The following TAFA1 variants were observed in gnomAD, a reference collection of about 807,000 sequenced individuals.
TAFA1 encodes TAFA chemokine like family member 1, also known as chemokine-like protein TAFA-1.
Under a neutral mutation model 18.5 loss-of-function variants are expected in TAFA1, and 4 were observed. The ratio of observed to expected loss-of-function variants is 0.22; its 90% CI spans 0.11 to 0.49. The LOEUF (loss-of-function observed/expected upper bound fraction) is 0.49. Ranked by LOEUF, TAFA1 falls within the 20% of genes least tolerant of loss-of-function variation. The probability of loss-of-function intolerance (pLI) is 0.98; values close to 1 mark genes in which losing one functional copy is unlikely to be tolerated. For synonymous variants in TAFA1, 56 were observed against 55.2 expected (o/e 1.01, Z -0.06); for missense variants, 147 against 169.0 (o/e 0.87, Z 0.72).
chr3:68,150,186 G>C (rs1454470614), intron 2 of TAFA1, among the ~76,000 whole-genome samples: 1 of 152,182 alleles, frequency 6.6e-6, no homozygotes, highest in Non-Finnish European at 1.5e-5. Context: ...TGTTTTACCA[G>C]TCATGTAATT....
intron 2 of TAFA1, among the ~76,000 whole-genome samples, chr3:68,315,985 T>C (rs2068599236): frequency 6.6e-6 from 1 of 152,190 alleles, no homozygotes; most frequent in Non-Finnish European, 1.5e-5. Flanking sequence ...AAGAAAGCAG[T>C]GGCTCTGGAG....
chr3:68,278,184 C>T (rs1575740771), intron 2 of TAFA1, among the ~76,000 whole-genome samples: 1 of 152,194 alleles, frequency 6.6e-6, no homozygotes, highest in South Asian at 2.1e-4. Flanking sequence ...GAGTTTCTTT[C>T]TCTCTTCATT....
At chr3:68,062,956 C>T (rs909235913) in intron 2 of TAFA1, among the ~76,000 whole-genome samples, 2 of 152,082 alleles carry the variant, frequency 1.3e-5, no homozygotes, top group Non-Finnish European at 2.9e-5. Flanking sequence ...TGAACTTTAT[C>T]GTCTAACAGG....
At chr3:68,120,255 T>A (rs1234813788) in intron 2 of TAFA1, among the ~76,000 whole-genome samples, 3 of 120,494 alleles carry the variant, frequency 2.5e-5, no homozygotes, top group Admixed American at 8.9e-5. Flanking sequence ...CTTTCTTTCT[T>A]TCTTTCTTTT....
intron 3 of TAFA1, among the ~76,000 whole-genome samples, chr3:68,437,903 G>A (rs538652331): frequency 2.3e-4 from 35 of 152,112 alleles, no homozygotes; most frequent in Middle Eastern, 6.8e-3. Context: ...TCAAAAGTCC[G>A]TCTACTTTTT....
At chr3:68,438,734 A>G (rs958971582) in intron 3 of TAFA1, among the ~76,000 whole-genome samples, 2 of 152,094 alleles carry the variant, frequency 1.3e-5, no homozygotes, top group African/African-American at 4.8e-5. Context: ...GAAGGCTGCC[A>G]TGCTTCCATA....
At chr3:68,012,074 T>G (rs969200717) in intron 2 of TAFA1, among the ~76,000 whole-genome samples, 1 of 152,318 alleles carries the variant, frequency 6.6e-6, no homozygotes, top group Admixed American at 6.5e-5. Context: ...TTTCTTAAAG[T>G]TTACTTAAGA....
At chr3:68,100,735 C>T (rs6548986) in intron 2 of TAFA1, among the ~76,000 whole-genome samples, 53,714 of 151,780 alleles carry the variant, frequency 0.35, 9,924 homozygotes, top group East Asian at 0.49. Flanking sequence ...TTGAACATAC[C>T]TTGTGTTTCA....
intron 3 of TAFA1, among the ~76,000 whole-genome samples, chr3:68,442,422 A>C (rs1010146316): frequency 6.6e-6 from 1 of 152,174 alleles, no homozygotes; most frequent in Non-Finnish European, 1.5e-5. Context: ...TGAGGGGATT[A>C]ATTCATTCAT....
chr3:68,452,362 A>C (rs2106898658), intron 3 of TAFA1, among the ~76,000 whole-genome samples: 1 of 152,016 alleles, frequency 6.6e-6, no homozygotes, highest in East Asian at 1.9e-4. Flanking sequence ...GTCTCTACTA[A>C]AAATACAACA....
intron 2 of TAFA1, among the ~76,000 whole-genome samples, chr3:68,353,803 G>T (rs1012338474): frequency 6.6e-6 from 1 of 151,944 alleles, no homozygotes; most frequent in Admixed American, 6.6e-5. Flanking sequence ...AAATCCACCA[G>T]GCTTGCTTTA....
intron 2 of TAFA1, among the ~76,000 whole-genome samples, chr3:68,187,254 T>C (rs555181859): frequency 6.6e-6 from 1 of 152,090 alleles, no homozygotes; most frequent in African/African-American, 2.4e-5. Flanking sequence ...GAGTATAGCA[T>C]ATAAAAAAAG....
At chr3:68,024,175 G>A (rs1704761423) in intron 2 of TAFA1, among the ~76,000 whole-genome samples, 1 of 152,020 alleles carries the variant, frequency 6.6e-6, no homozygotes, top group South Asian at 2.1e-4. Flanking sequence ...TTCCAGAACT[G>A]TATCGTTTCT....
intron 2 of TAFA1, among the ~76,000 whole-genome samples, chr3:68,364,091 C>T (rs1017367507): frequency 3.3e-5 from 5 of 152,178 alleles, no homozygotes; most frequent in African/African-American, 9.7e-5. Context: ...GAAATTTACC[C>T]TCTGGGGCTG....
intron 2 of TAFA1, among the ~76,000 whole-genome samples, chr3:68,400,700 C>G (rs944479533): frequency 6.6e-6 from 1 of 152,098 alleles, no homozygotes; most frequent in Non-Finnish European, 1.5e-5. Context: ...TTGGTAATGA[C>G]TCAACTATCA....
chr3:68,217,277 C>G (rs1244472880), intron 2 of TAFA1, among the ~76,000 whole-genome samples: 1 of 151,980 alleles, frequency 6.6e-6, no homozygotes, highest in Non-Finnish European at 1.5e-5. Context: ...AAATAAAAAT[C>G]ATAGTTTATC....
chr3:68,455,263 A>G (rs6801032), intron 3 of TAFA1, among the ~76,000 whole-genome samples: 120,218 of 151,844 alleles, frequency 0.79, 48,026 homozygotes, highest in African/African-American at 0.91. Context: ...AGAAAAGGCA[A>G]AGGCAGTTGG....
intron 2 of TAFA1, among the ~76,000 whole-genome samples, chr3:68,036,512 T>A (rs1705052555): frequency 6.6e-6 from 1 of 150,838 alleles, no homozygotes; most frequent in Non-Finnish European, 1.5e-5. Context: ...AACAAAAAGA[T>A]CCCCTGGCAT....
chr3:68,369,213 T>A (rs763334910), intron 2 of TAFA1, among the ~76,000 whole-genome samples: 42 of 152,040 alleles, frequency 2.8e-4, no homozygotes, highest in Non-Finnish European at 5.0e-4. Context: ...CCAAAATAAA[T>A]CTAATGTGTC....
Sources: gnomAD v4.1 joint callset for allele counts (sites outside exome capture counted in the v4.1 genomes callset) on GRCh38, gnomAD v4.1.1 for gene constraint, MANE v1.5 for transcripts, NCBI Gene and HGNC (gene_info 2026-07-23, HGNC 2026-07-21) for gene names.